Variants in ELK1 observed in about 807,000 individuals in gnomAD.
The protein encoded by ELK1 is ETS domain-containing protein Elk-1.
For missense variants in ELK1, 254 were observed against 381.5 expected (o/e 0.67, Z 2.78); for synonymous variants, 163 against 176.3 (o/e 0.92, Z 0.60).
rs113491742 is a variant in ELK1 at position 47,638,831 on chromosome X, G to C, written c.654+64C>G. 18 of 1,110,530 alleles carry C rather than the reference G, an allele frequency of 1.6e-5. No individual in the cohort carries two copies. In the South Asian group the frequency reaches 2.9e-4, roughly 18 times the overall value. The allele number at this position is 1,110,530 out of a possible 1,213,427, so 91.5% of individuals were successfully genotyped here. A position where few individuals can be genotyped will look rare whatever the true frequency, so the allele number is the denominator to read the frequency against. On this transcript the variant is annotated intron_variant, in intron 4 of 6. Coordinates refer to ENST00000376983, the MANE Select transcript of ELK1 (RefSeq NM_001114123.3). The stretch of plus-strand genomic sequence containing the variant: ...CTTCTACCAGCCTCCCTCGTCATCC[G>C]GGGATTACACATCCCTCCTCTTTAC...
intron 4 of ELK1, 40 bp from the exon 5 acceptor site, chrX:47,638,222 G>A: frequency 8.4e-7 from 1 of 1,185,944 alleles, no homozygotes; most frequent in Non-Finnish European, 1.1e-6. Flanking sequence ...TGTAAGGATT[G>A]TTGGGACCAC....
chrX:47,645,728 G>A (rs2058041553), intron 2 of ELK1, among the ~76,000 whole-genome samples: 1 of 112,246 alleles, frequency 8.9e-6, no homozygotes, highest in Admixed American at 9.3e-5. Context: ...TCCAACCTCT[G>A]AGGGTAAGCA....
rs2058007996 is a variant in ELK1 at position 47,636,412 on chromosome X, C to T, written c.*417G>A. 8.0e-6 allele frequency: 1 copy of T among 124,861 alleles called. No individual in the cohort carries two copies. Among genetic ancestry groups the T allele is most frequent in the South Asian group, 3.2e-4 (1 of 3,118 alleles). 10.3% of individuals were successfully genotyped at this position (124,861 alleles called of 1,213,427 possible). A position where few individuals can be genotyped will look rare whatever the true frequency, so the allele number is the denominator to read the frequency against. ...CAGGGCTCCCTCATCTCCCCAAGGG[C>T]AGGCTGAGAAATAAAGAAAGAAAGG... On this transcript the variant is annotated 3_prime_UTR_variant, in exon 7 of 7. Coordinates refer to ENST00000376983, the MANE Select transcript of ELK1 (RefSeq NM_001114123.3).
rs1220585963 is a variant in ELK1 at position 47,635,672 on chromosome X, G to T, written c.*1157C>A. On this transcript the variant is annotated 3_prime_UTR_variant, in exon 7 of 7. Coordinates refer to ENST00000376983, the MANE Select transcript of ELK1 (RefSeq NM_001114123.3). ...CACCAACCCCCAGGTCCCAAGGCCT[G>T]GGCTGGGCCAGCGCTAACAGGTGAG... 1 of 111,449 alleles carries T rather than the reference G, an allele frequency of 9.0e-6. No individual in the cohort carries two copies. Among genetic ancestry groups the T allele is most frequent in the Non-Finnish European group, 1.9e-5 (1 of 52,967 alleles). 9.2% of individuals were successfully genotyped at this position (111,449 alleles called of 1,213,427 possible).
At position 47,638,043 on chromosome X, in the gene ELK1, A is replaced by C. The variant is rs1228370729; in HGVS notation, c.794T>G (p.Phe265Cys). The C allele has an allele frequency of 8.3e-7, 1 of 1,210,948 alleles. No homozygotes were observed. Among genetic ancestry groups the C allele is most frequent in the Middle Eastern group, 2.3e-4 (1 of 4,351 alleles). ...CTCGGCCTTGGTGGTTTCTGGCACAAACCCTCTCTCCCCCGCAACTTCCAA... is the reference window on the plus strand; with the variant it reads ...CTCGGCCTTGGTGGTTTCTGGCACACACCCTCTCTCCCCCGCAACTTCCAA... Reference protein sequence around the residue: ...EELEVAGERGFVPETTKAEPE... With the variant: ...EELEVAGERGCVPETTKAEPE... Residue 265 changes from phenylalanine to cysteine, a missense_variant, in exon 5 of 7, where the codon TTT becomes TGT. Phe to Cys is a radical substitution (Grantham distance 205, BLOSUM62 -2). Transcript: ENST00000376983.
chrX:47,649,084 C>T (rs2058051745), intron 2 of ELK1: 2 of 111,651 alleles, frequency 1.8e-5, no homozygotes, highest in African/African-American at 3.3e-5. Context: ...TTTAACCTCC[C>T]TATGGCCCAA....
In ELK1 at chrX:47,647,517, G is replaced by T. The variant is rs190147880; in HGVS notation, c.-35+2404C>A. ...AAGCACAAATATTTCGCCCTGTTTC[G>T]TTCCTTGCCATATTCCAGCACCTAG... On this transcript the variant is annotated intron_variant, in intron 2 of 6. Coordinates refer to ENST00000376983, the MANE Select transcript of ELK1 (RefSeq NM_001114123.3). 1.3e-4 allele frequency among the ~76,000 whole-genome samples: 15 copies of T among 111,411 alleles called. No individual in the cohort carries two copies. In the East Asian group the frequency reaches 3.6e-3, roughly 27 times the overall value.
At chrX:47,647,757 C>G (rs2058048212) in intron 2 of ELK1, among the ~76,000 whole-genome samples, 1 of 112,052 alleles carries the variant, frequency 8.9e-6, no homozygotes, top group African/African-American at 3.2e-5. Context: ...GGTGAATGAG[C>G]AGACAAAAAC....
intron 2 of ELK1, among the ~76,000 whole-genome samples, chrX:47,642,184 C>T (rs1352729530): frequency 3.6e-5 from 4 of 112,168 alleles, no homozygotes; most frequent in African/African-American, 1.3e-4. Flanking sequence ...AATGGATTTT[C>T]CCCTAGAGCC....
Position 47,636,946 on chromosome X carries a change from A to G in ELK1, c.1189-19T>C, listed in dbSNP as rs368667256. The G allele has an allele frequency of 1.4e-5, 16 of 1,183,109 alleles. No homozygotes were observed. Among genetic ancestry groups the G allele is most frequent in the African/African-American group, 3.6e-5 (2 of 56,142 alleles). On this transcript the variant is annotated intron_variant, in intron 6 of 6. Transcript: ENST00000376983. ...ATGGAAACTGGGGGCAAAAAGAGGG[A>G]GAGGTCACAGATGGGGGCCATTCTT...
rs1172015290 is a variant in ELK1 at position 47,642,653 on chromosome X, T to C, written c.-34-1178A>G. Reference sequence around the variant, plus strand: ...CTGTTGCCCAGGCTGGAGCGCAGTATAGTGGCACAATCTTGACTCACTGCA... The same window carrying C: ...CTGTTGCCCAGGCTGGAGCGCAGTACAGTGGCACAATCTTGACTCACTGCA... On this transcript the variant is annotated intron_variant, in intron 2 of 6. Coordinates refer to ENST00000376983, the MANE Select transcript of ELK1 (RefSeq NM_001114123.3). Among the ~76,000 whole-genome samples, 3 of 107,535 alleles carry C rather than the reference T, an allele frequency of 2.8e-5. No homozygotes were observed. The Admixed American group carries it at 3.0e-4, about 11-fold the overall frequency. The allele number at this position is 107,535 out of a possible 115,157, so 93.4% of individuals were successfully genotyped here.
At chrX:47,645,200 G>C (rs1433982272) in intron 2 of ELK1, among the ~76,000 whole-genome samples, 2 of 111,136 alleles carry the variant, frequency 1.8e-5, no homozygotes, top group African/African-American at 6.6e-5. Context: ...CAGTTTCAGA[G>C]GCCTGTCAGA....
Position 47,637,803 on chromosome X carries a change from A to C in ELK1, c.1034T>G (p.Leu345Arg), listed in dbSNP as rs2058014122. 8.4e-7 allele frequency: 1 copy of C among 1,193,767 alleles called. No homozygotes were observed. Among genetic ancestry groups the C allele is most frequent in the Non-Finnish European group, 1.1e-6 (1 of 886,180 alleles). The change falls in exon 5 of 7, where the codon CTC becomes CGC. Residue 345 changes from leucine to arginine, a missense_variant. Leu to Arg is a moderately radical substitution (Grantham distance 102, BLOSUM62 -2). Transcript: ENST00000376983. ...GGTCAGCGCCGGCCCCGGAGCCTGG[A>C]GGCCGGAGCCACTTCCCGATCCTGG... The part of the protein sequence containing the change: ...RTPGSGSGSG[L>R]QAPGPALTPS...
At chrX:47,638,207 G>C in intron 4 of ELK1, 25 bp from the exon 5 acceptor site, 2 of 1,196,864 alleles carry the variant, frequency 1.7e-6, no homozygotes, top group African/African-American at 3.5e-5. Context: ...GGCACAAAGA[G>C]GGTGTGTAAG....
rs371893100 is a variant in ELK1, at chrX:47,637,784, C to T, written c.1053G>A (p.Ala351=). 1.5e-5 allele frequency: 18 copies of T among 1,193,564 alleles called. No homozygotes were observed. Among genetic ancestry groups the T allele is most frequent in the Admixed American group, 2.3e-5 (1 of 44,163 alleles). Residue 351 remains alanine, a synonymous_variant, in exon 5 of 7, where the codon GCG becomes GCA. Coordinates refer to ENST00000376983, the MANE Select transcript of ELK1 (RefSeq NM_001114123.3). The part of the protein sequence containing the change: ...SGSGLQAPGP[A]LTPSLLPTHT... ...GCGTAGGAAGCAGGGATGGGGTCAGCGCCGGCCCCGGAGCCTGGAGGCCGG... is the reference window on the plus strand; with the variant it reads ...GCGTAGGAAGCAGGGATGGGGTCAGTGCCGGCCCCGGAGCCTGGAGGCCGG...
Position 47,639,177 on chromosome X carries a change from C to T in ELK1, c.372G>A (p.Gly124=). The T allele has an allele frequency of 1.7e-6, 2 of 1,209,043 alleles. No homozygotes were observed. The highest frequency in any genetic ancestry group is 2.2e-6 in the Non-Finnish European group (2 of 894,083). Residue 124 remains glycine, a synonymous_variant, in exon 4 of 7, where the codon GGG becomes GGA. Transcript: ENST00000376983. ...TGCCTGGCTTTCCAGAGACAGTGTC[C>T]CCTGGGGCGGCATGTATAGCAGCAG... ...VAPAAIHAAP[G]DTVSGKPGTP... is the part of the protein sequence containing the mutation.
intron 3 of ELK1, 45 bp downstream of exon 3, chrX:47,641,187 A>G (rs1289446065): frequency 8.5e-7 from 1 of 1,175,536 alleles, no homozygotes; most frequent in East Asian, 3.0e-5. Flanking sequence ...AATCTCTGAT[A>G]TAAATGTCAG....
intron 2 of ELK1, among the ~76,000 whole-genome samples, chrX:47,647,913 A>T (rs1474499865): frequency 8.9e-6 from 1 of 112,389 alleles, no homozygotes; most frequent in Non-Finnish European, 1.9e-5. Flanking sequence ...TCAGATGGTC[A>T]GGGAGGGGTT....
At chrX:47,643,725 G>C (rs1207043007) in intron 2 of ELK1, among the ~76,000 whole-genome samples, 1 of 110,096 alleles carries the variant, frequency 9.1e-6, no homozygotes, top group African/African-American at 3.3e-5. Flanking sequence ...TTTTTAATGG[G>C]CATTGACTTA....
Sources: gnomAD v4.1 joint callset for allele counts (sites outside exome capture counted in the v4.1 genomes callset) on GRCh38, gnomAD v4.1.1 for gene constraint, MANE v1.5 for transcripts, NCBI Gene and HGNC (gene_info 2026-07-23, HGNC 2026-07-21) for gene names.